The following CKAP5 variants were observed in gnomAD, a reference collection of about 807,000 sequenced individuals.
The protein encoded by CKAP5 is cytoskeleton-associated protein 5.
In CKAP5, 27 loss-of-function variants were observed where a neutral mutation model predicts 232.8. The observed-to-expected ratio is 0.12, with a 90% CI of 0.09 to 0.16. The LOEUF (loss-of-function observed/expected upper bound fraction) is 0.16, where lower values mean the gene tolerates loss of function less well. CKAP5 is among the 10% of genes least tolerant of loss of function. CKAP5 has a pLI of 1.00. For missense variants in CKAP5, 1,838 were observed against 2,424.7 expected (o/e 0.76, Z 5.08); for synonymous variants, 785 against 841.1 (o/e 0.93, Z 1.16).
rs1939025988 is a variant in CKAP5 at position 46,801,304 on chromosome 11, C to T, written c.979G>A (p.Val327Ile). 1.2e-6 allele frequency: 2 copies of T among 1,609,468 alleles called. No individual in the cohort carries two copies. Among genetic ancestry groups the T allele is most frequent in the East Asian group, 2.2e-5 (1 of 44,822 alleles). ...YADLVKALKK[V>I]VGKDTNVMLV... The stretch of plus-strand genomic sequence containing the variant: ...ATGACATTGGTGTCCTTTCCAACAA[C>T]CTACAAAGGGGGGTAAAAAGGAAAA... The change falls in exon 9 of 44, where the codon GTT becomes ATT. Residue 327 changes from valine to isoleucine, a missense_variant and splice_region_variant. Coordinates refer to ENST00000529230, the MANE Select transcript of CKAP5 (RefSeq NM_001008938.4).
intron 4 of CKAP5, among the ~76,000 whole-genome samples, chr11:46,813,732 T>A (rs1193265060): frequency 6.6e-6 from 1 of 151,978 alleles, no homozygotes; most frequent in East Asian, 1.9e-4. Flanking sequence ...GAAGAAAACA[T>A]GAGATATACG....
chr11:46,778,104 G>C (rs1161500756), intron 22 of CKAP5, 35 bp downstream of exon 22: 4 of 1,564,888 alleles, frequency 2.6e-6, no homozygotes, highest in Non-Finnish European at 3.5e-6. Flanking sequence ...CAGTGGGGAG[G>C]GGAGATAAAA....
intron 1 of CKAP5, among the ~76,000 whole-genome samples, chr11:46,833,747 G>A (rs1939850449): frequency 1.3e-5 from 2 of 150,872 alleles, no homozygotes; most frequent in Admixed American, 6.6e-5. Flanking sequence ...AAACTGCTGG[G>A]ATTACAGGTG....
intron 42 of CKAP5, among the ~76,000 whole-genome samples, chr11:46,745,697 T>C (rs2065017576): frequency 6.6e-6 from 1 of 152,166 alleles, no homozygotes; most frequent in Non-Finnish European, 1.5e-5. Flanking sequence ...CTCATGCCTG[T>C]AATCCAAGCA....
chr11:46,756,697 A>G (rs1302659993), intron 35 of CKAP5, among the ~76,000 whole-genome samples: 1 of 152,034 alleles, frequency 6.6e-6, no homozygotes. Flanking sequence ...CATGTCTCTC[A>G]GTCTCTTTAT....
chr11:46,842,738 C>T (rs1199873386), intron 1 of CKAP5, among the ~76,000 whole-genome samples: 3 of 151,832 alleles, frequency 2.0e-5, no homozygotes, highest in Non-Finnish European at 4.4e-5. Context: ...GAGGCCGAGG[C>T]GGGCGGATCA....
chr11:46,800,678 G>A (rs891802781), intron 9 of CKAP5, among the ~76,000 whole-genome samples: 1 of 152,000 alleles, frequency 6.6e-6, no homozygotes, highest in Non-Finnish European at 1.5e-5. Context: ...TAAGTAAAAC[G>A]GAGATAACCT....
chr11:46,794,531 C>T (rs1291362081), intron 13 of CKAP5, among the ~76,000 whole-genome samples: 1 of 152,132 alleles, frequency 6.6e-6, no homozygotes, highest in African/African-American at 2.4e-5. Flanking sequence ...TACAGATTGC[C>T]ACCTGCACAT....
chr11:46,759,970 C>A (rs1396741223), intron 33 of CKAP5, among the ~76,000 whole-genome samples: 1 of 152,128 alleles, frequency 6.6e-6, no homozygotes, highest in African/African-American at 2.4e-5. Flanking sequence ...AGCTTTACAT[C>A]CAAGAAATAG....
At chr11:46,770,429 T>C (rs1356199361) in intron 25 of CKAP5, among the ~76,000 whole-genome samples, 1 of 152,220 alleles carries the variant, frequency 6.6e-6, no homozygotes, top group African/African-American at 2.4e-5. Context: ...TAAATTCATG[T>C]TTAATATATA....
chr11:46,791,514 A>G (rs1180078959), intron 13 of CKAP5, among the ~76,000 whole-genome samples: 1 of 152,118 alleles, frequency 6.6e-6, no homozygotes, highest in Non-Finnish European at 1.5e-5. Flanking sequence ...TCTACAAAAA[A>G]TACAAAAAAA....
chr11:46,746,022 A>C (rs1365411235), intron 42 of CKAP5, among the ~76,000 whole-genome samples: 1 of 152,208 alleles, frequency 6.6e-6, no homozygotes, highest in Admixed American at 6.6e-5. Flanking sequence ...CAAAAACAAA[A>C]AAGAACTCCT....
intron 8 of CKAP5, chr11:46,802,082 T>A (rs967991561): frequency 1.3e-5 from 2 of 152,198 alleles, no homozygotes; most frequent in African/African-American, 4.8e-5. Flanking sequence ...GACTCTAAAT[T>A]GTGAATGCTA....
chr11:46,776,611 T>G (rs910999439), intron 23 of CKAP5, among the ~76,000 whole-genome samples: 6 of 152,210 alleles, frequency 3.9e-5, no homozygotes, highest in Non-Finnish European at 8.8e-5. Context: ...ACTCAGTTAA[T>G]CAGGCAAAAC....
chr11:46,775,833 G>T (rs2065285500), intron 24 of CKAP5, among the ~76,000 whole-genome samples: 1 of 152,050 alleles, frequency 6.6e-6, no homozygotes, highest in Admixed American at 6.6e-5. Context: ...GGGTTAGCGG[G>T]GCAAGGGGAG....
At position 46,771,985 on chromosome 11, in the gene CKAP5, AAC is replaced by A. The variant is rs574911040; in HGVS notation, c.2992-1005_2992-1004del. Among the ~76,000 whole-genome samples, 898 of 150,752 alleles carry A rather than the reference AAC, an allele frequency of 6.0e-3. 7 individuals are homozygous for A. Among genetic ancestry groups the A allele is most frequent in the African/African-American group, 0.021 (867 of 41,170 alleles). On this transcript the variant is annotated intron_variant, in intron 24 of 43. Transcript: ENST00000529230. ...TCTGATGATTGTATAGTGATATTTCAACACAGTTTTAATTTGCATTTCCCTGG... is the reference window on the plus strand; with the variant it reads ...TCTGATGATTGTATAGTGATATTTCAACAGTTTTAATTTGCATTTCCCTGG...
chr11:46,846,177 A>G (rs1297957115), intron 1 of CKAP5, 43 bp downstream of exon 1: 3 of 152,032 alleles, frequency 2.0e-5, no homozygotes, highest in South Asian at 2.1e-4. Context: ...CGATGCCTGC[A>G]CTCGAGGGCC....
At chr11:46,763,250 CTT>C in intron 29 of CKAP5, 71 bp from the exon 30 acceptor site, 7 of 1,301,482 alleles carry the variant, frequency 5.4e-6, no homozygotes, top group Non-Finnish European at 7.5e-6. Context: ...AGGCAAGTGT[CTT>C]TTAAATTTTA....
rs2065357689 is a variant in CKAP5, at chr11:46,783,156, G to C, written c.2249+118C>G. ...AAAGGTAATTTTCTTTTATATAAATGAGACAATCCAGCTCTCACTCTTCAG... is the reference window on the plus strand; with the variant it reads ...AAAGGTAATTTTCTTTTATATAAATCAGACAATCCAGCTCTCACTCTTCAG... On this transcript the variant is annotated intron_variant, in intron 18 of 43. Transcript: ENST00000529230. The C allele has an allele frequency of 1.1e-5, 6 of 565,514 alleles. No individual in the cohort carries two copies. In the East Asian group the frequency reaches 1.5e-4, roughly 14 times the overall value. 35.0% of individuals were successfully genotyped at this position (565,514 alleles called of 1,614,324 possible).
Sources: gnomAD v4.1 joint callset for allele counts (sites outside exome capture counted in the v4.1 genomes callset) on GRCh38, gnomAD v4.1.1 for gene constraint, MANE v1.5 for transcripts, NCBI Gene and HGNC (gene_info 2026-07-23, HGNC 2026-07-21) for gene names.